Variants in ACAP2 observed in about 807,000 individuals in gnomAD.
ACAP2 encodes the protein arf-GAP with coiled-coil, ANK repeat and PH domain-containing protein 2.
Under a neutral mutation model 115.8 loss-of-function variants are expected in ACAP2, and 39 were observed. The observed-to-expected ratio is 0.34, with a 90% confidence interval of 0.26 to 0.44. The LOEUF is 0.44. Among genes scored for constraint, ACAP2 ranks in the 20% least tolerant of loss-of-function variants. The pLI, the probability that ACAP2 is intolerant of heterozygous loss-of-function variation, is 1.00. For missense variants in ACAP2, 662 were observed against 927.6 expected, an observed-to-expected ratio of 0.71 and a Z score of 3.72; for synonymous variants, 289 against 315.8, an observed-to-expected ratio of 0.92 and a Z score of 0.90.
At chr3:195,314,320 G>T (rs1728953082) in intron 10 of ACAP2, among the ~76,000 whole-genome samples, 1 of 151,708 alleles carries the variant, frequency 6.6e-6, no homozygotes, top group East Asian at 1.9e-4. Flanking sequence ...AGGCTGGAGT[G>T]CAGTGGTAAA....
At chr3:195,285,753 T>C in intron 22 of ACAP2, 43 bp downstream of exon 22, 1 of 1,483,108 alleles carries the variant, frequency 6.7e-7, no homozygotes, top group Non-Finnish European at 9.3e-7. Flanking sequence ...CTGAATGCAT[T>C]TCTTATACTG....
intron 8 of ACAP2, among the ~76,000 whole-genome samples, chr3:195,329,401 T>C (rs971054555): frequency 6.6e-6 from 1 of 152,146 alleles, no homozygotes; most frequent in South Asian, 2.1e-4. Context: ...GTGTTTTAAA[T>C]CCCTTCCACT....
chr3:195,342,449 T>C (rs1411141913), intron 6 of ACAP2, 22 bp downstream of exon 6: 3 of 1,570,014 alleles, frequency 1.9e-6, no homozygotes, highest in East Asian at 2.3e-5. Context: ...TCTGAAAACA[T>C]ACACAGTAAG....
chr3:195,391,559 T>C (rs374937101), intron 2 of ACAP2, among the ~76,000 whole-genome samples: 1 of 152,090 alleles, frequency 6.6e-6, no homozygotes, highest in African/African-American at 2.4e-5. Flanking sequence ...AAAGGATGTT[T>C]AGTGAGCTTT....
intron 18 of ACAP2, among the ~76,000 whole-genome samples, chr3:195,292,875 T>C (rs1577245552): frequency 7.5e-6 from 1 of 133,926 alleles, no homozygotes; most frequent in Non-Finnish European, 1.5e-5. Flanking sequence ...TGAGCTGAGA[T>C]TGCACCACTG....
intron 15 of ACAP2, among the ~76,000 whole-genome samples, chr3:195,298,432 T>C (rs976800165): frequency 5.9e-5 from 9 of 151,948 alleles, no homozygotes; most frequent in African/African-American, 1.7e-4. Flanking sequence ...GTTTTTGTAT[T>C]TGTAGTAGAG....
chr3:195,331,684 C>A (rs1015353915), intron 8 of ACAP2, among the ~76,000 whole-genome samples: 2 of 151,948 alleles, frequency 1.3e-5, no homozygotes, highest in Non-Finnish European at 2.9e-5. Context: ...AAGAAAATCA[C>A]CTAAAAATCG....
chr3:195,442,289 A>C, intron 1 of ACAP2: 1 of 153,610 alleles, frequency 6.5e-6, no homozygotes, highest in Admixed American at 6.6e-5. Context: ...TTCGCCCCCT[A>C]CTCTCTCCTC....
At chr3:195,438,591 C>A (rs1423326542) in intron 1 of ACAP2, among the ~76,000 whole-genome samples, 1 of 152,154 alleles carries the variant, frequency 6.6e-6, no homozygotes, top group Non-Finnish European at 1.5e-5. Flanking sequence ...TTTCACCTGA[C>A]TGGGCATGGT....
intron 1 of ACAP2, among the ~76,000 whole-genome samples, chr3:195,413,676 G>A (rs1002695049): frequency 1.3e-5 from 2 of 152,166 alleles, no homozygotes; most frequent in Non-Finnish European, 2.9e-5. Context: ...TTGAACCCAG[G>A]AGGCGGAGGC....
intron 4 of ACAP2, among the ~76,000 whole-genome samples, chr3:195,357,412 G>A (rs1732047719): frequency 6.6e-6 from 1 of 152,134 alleles, no homozygotes. Flanking sequence ...ACCCCGAAGG[G>A]AAATACACAA....
intron 1 of ACAP2, among the ~76,000 whole-genome samples, chr3:195,419,922 T>C (rs1714036615): frequency 6.6e-6 from 1 of 152,238 alleles, no homozygotes; most frequent in African/African-American, 2.4e-5. Context: ...CAACAATACA[T>C]TTTAAAGTTT....
chr3:195,356,237 C>T (rs1023613898), intron 4 of ACAP2: 5 of 455,412 alleles, frequency 1.1e-5, no homozygotes, highest in Non-Finnish European at 2.2e-5. Context: ...GAACGCAGTG[C>T]TGCCAATCCC....
intron 4 of ACAP2, among the ~76,000 whole-genome samples, chr3:195,346,149 G>T (rs943540691): frequency 6.6e-6 from 1 of 152,034 alleles, no homozygotes; most frequent in African/African-American, 2.4e-5. Context: ...CCAGGAATCT[G>T]GACTTTTCAA....
rs769306248 is a variant in ACAP2 at position 195,377,592 on chromosome 3, G to A, written c.285+3417C>T. ...GTGAAGTATAACAGGGCTATGATGA[G>A]GGAAGAACTTTTGCCACAAATATAG... On this transcript the variant is annotated intron_variant, in intron 4 of 22. Coordinates refer to ENST00000326793, the MANE Select transcript of ACAP2 (RefSeq NM_012287.6). 1.9e-4 allele frequency among the ~76,000 whole-genome samples: 29 copies of A among 152,150 alleles called. 1 individual carries two copies. The highest frequency in any genetic ancestry group is 4.4e-5 in the Non-Finnish European group (3 of 68,042).
In ACAP2 at chr3:195,291,739, G is replaced by A; in HGVS notation, c.2030C>T (p.Pro677Leu). 1 of 1,613,996 alleles carries A rather than the reference G, an allele frequency of 6.2e-7. No homozygotes were observed. ...CCCTAAGACGGTGGCATGGTGCAAT[G>A]GTCCCCGCCCTTGGACATCTCTTTG... ...VNQRDVQGRG[P>L]LHHATVLGHT... Residue 677 changes from proline (P) to leucine (L), a missense_variant, in exon 20 of 23, where the codon CCA becomes CTA. By Grantham distance (98) the Pro-to-Leu change is moderately conservative. Coordinates refer to ENST00000326793, the MANE Select transcript of ACAP2 (RefSeq NM_012287.6).
chr3:195,415,282 C>CTTT (rs60818924), intron 1 of ACAP2, among the ~76,000 whole-genome samples: 9 of 139,658 alleles, frequency 6.4e-5, no homozygotes, highest in African/African-American at 1.6e-4. Context: ...CTAAAAAAGT[C>CTTT]TTTTTTTTTT....
intron 1 of ACAP2, 48 bp downstream of exon 1, chr3:195,442,747 C>A (rs1157575176): frequency 3.3e-5 from 50 of 1,522,030 alleles, no homozygotes; most frequent in Non-Finnish European, 4.1e-5. Context: ...ACGCCCCCAG[C>A]GCCGGGAAGG....
chr3:195,395,417 C>G (rs1376878508), intron 1 of ACAP2, among the ~76,000 whole-genome samples: 1 of 152,152 alleles, frequency 6.6e-6, no homozygotes, highest in African/African-American at 2.4e-5. Context: ...AACAATTACC[C>G]AACAGGCAAG....
Sources: allele counts gnomAD v4.1 joint callset (sites outside exome capture counted in the v4.1 genomes callset), GRCh38; gene constraint gnomAD v4.1.1; transcripts MANE v1.5; gene names NCBI Gene and HGNC (gene_info 2026-07-23, HGNC 2026-07-21).